Variants in BICC1 observed in about 807,000 individuals in gnomAD.
BICC1 encodes the protein protein bicaudal C homolog 1.
Under a neutral mutation model 111.0 loss-of-function variants are expected in BICC1, and 43 were observed. That is an observed-to-expected ratio of 0.39 (90% CI 0.30 to 0.50). The LOEUF (loss-of-function observed/expected upper bound fraction) is 0.50. Ranked by LOEUF, BICC1 falls within the 20% of genes least tolerant of loss-of-function variation. The pLI is 0.88. For missense variants in BICC1, 1,091 were observed against 1,203.2 expected, an observed-to-expected ratio of 0.91 and a Z score of 1.38; for synonymous variants, 467 against 434.4, an observed-to-expected ratio of 1.07 and a Z score of -0.93.
At chr10:58,612,220 A>G (rs1487650461) in intron 1 of BICC1, among the ~76,000 whole-genome samples, 3 of 152,150 alleles carry the variant, frequency 2.0e-5, no homozygotes, top group African/African-American at 7.2e-5. Flanking sequence ...CCTAATGACT[A>G]CTCTTTTCTC....
At chr10:58,520,333 T>G (rs1842356048) in intron 1 of BICC1, among the ~76,000 whole-genome samples, 1 of 152,138 alleles carries the variant, frequency 6.6e-6, no homozygotes, top group Non-Finnish European at 1.5e-5. Context: ...AAGAAAATCT[T>G]GTTATGCTGC....
chr10:58,790,084 G>A, intron 8 of BICC1, 151 bp downstream of exon 8: 2 of 838,364 alleles, frequency 2.4e-6, no homozygotes, highest in African/African-American at 1.7e-5. Flanking sequence ...AAATAAACTG[G>A]AAGAGTAATA....
rs1327102410 is a variant in BICC1 at position 58,734,801 on chromosome 10, G to GT, written c.307+32664dup. Among the ~76,000 whole-genome samples, 5 of 152,132 alleles carry GT rather than the reference G, an allele frequency of 3.3e-5. No individual in the cohort carries two copies. In the South Asian group the frequency reaches 6.2e-4, roughly 19 times the overall value. ...CCTTTTGGCATATCAAGAAATTGTG[G>GT]TTTTTTGGTCTAAATATTAAATACC... is the stretch of plus-strand genomic sequence containing the variant. On this transcript the variant is annotated intron_variant, in intron 3 of 20. Coordinates refer to ENST00000373886, the MANE Select transcript of BICC1 (RefSeq NM_001080512.3).
At chr10:58,537,356 A>C (rs1842851427) in intron 1 of BICC1, among the ~76,000 whole-genome samples, 1 of 119,220 alleles carries the variant, frequency 8.4e-6, no homozygotes, top group Non-Finnish European at 2.0e-5. Context: ...ACAAAAAAAA[A>C]AATCATGATG....
intron 1 of BICC1, among the ~76,000 whole-genome samples, chr10:58,608,702 G>A (rs1845315404): frequency 6.6e-6 from 1 of 152,098 alleles, no homozygotes; most frequent in African/African-American, 2.4e-5. Context: ...ATATTTCAGG[G>A]GTAAAACAGA....
At chr10:58,700,204 T>C (rs1337782841) in intron 2 of BICC1, among the ~76,000 whole-genome samples, 1 of 151,954 alleles carries the variant, frequency 6.6e-6, no homozygotes, top group African/African-American at 2.4e-5. Context: ...GGAAAAATAA[T>C]TGTGGTTGGG....
At chr10:58,665,713 C>T (rs1838987652) in intron 2 of BICC1, among the ~76,000 whole-genome samples, 1 of 152,118 alleles carries the variant, frequency 6.6e-6, no homozygotes, top group African/African-American at 2.4e-5. Flanking sequence ...GTGTTTTGAT[C>T]TGAAATTTAT....
chr10:58,548,138 A>G (rs1843189601), intron 1 of BICC1, among the ~76,000 whole-genome samples: 1 of 152,020 alleles, frequency 6.6e-6, no homozygotes, highest in South Asian at 2.1e-4. Flanking sequence ...GATGACTTCA[A>G]CTCTTAATCT....
At chr10:58,703,383 A>T (rs1840297334) in intron 3 of BICC1, among the ~76,000 whole-genome samples, 1 of 151,902 alleles carries the variant, frequency 6.6e-6, no homozygotes, top group Admixed American at 6.6e-5. Context: ...GCTGGTCTTG[A>T]ACTCCTGAGT....
At chr10:58,576,649 T>A (rs1844121767) in intron 1 of BICC1, among the ~76,000 whole-genome samples, 1 of 152,174 alleles carries the variant, frequency 6.6e-6, no homozygotes, top group Non-Finnish European at 1.5e-5. Flanking sequence ...AATACTTAAA[T>A]GGTGTTATAC....
At chr10:58,581,023 T>G (rs1844266251) in intron 1 of BICC1, among the ~76,000 whole-genome samples, 1 of 152,200 alleles carries the variant, frequency 6.6e-6, no homozygotes, top group African/African-American at 2.4e-5. Context: ...GTGTGAAAAC[T>G]TACTAGATAT....
intron 1 of BICC1, among the ~76,000 whole-genome samples, chr10:58,550,172 C>T (rs1053034530): frequency 1.4e-4 from 22 of 152,030 alleles, no homozygotes; most frequent in African/African-American, 4.8e-4. Flanking sequence ...TGCCACCATA[C>T]TCTACTAATA....
Position 58,750,318 on chromosome 10 carries a change from A to G in BICC1, c.308-34683A>G, listed in dbSNP as rs541083708. Among the ~76,000 whole-genome samples the G allele has an allele frequency of 1.1e-3, 171 of 152,288 alleles. 2 individuals are homozygous for G. Among genetic ancestry groups the G allele is most frequent in the African/African-American group, 3.9e-3 (164 of 41,570 alleles). On this transcript the variant is annotated intron_variant, in intron 3 of 20. Coordinates refer to ENST00000373886, the MANE Select transcript of BICC1 (RefSeq NM_001080512.3). The stretch of plus-strand genomic sequence containing the variant: ...GCAACTTCAATCACCAGCCATAGAC[A>G]AGCATTATTAATCTGGATTATATTT...
At chr10:58,761,278 T>G (rs1238124694) in intron 3 of BICC1, among the ~76,000 whole-genome samples, 1 of 152,192 alleles carries the variant, frequency 6.6e-6, no homozygotes, top group Non-Finnish European at 1.5e-5. Context: ...CGAGTGCGGC[T>G]GGAAAGAAAG....
chr10:58,663,136 G>A (rs1465681306), intron 2 of BICC1, among the ~76,000 whole-genome samples: 4 of 144,560 alleles, frequency 2.8e-5, no homozygotes, highest in East Asian at 4.1e-4. Context: ...GCACTATCTC[G>A]GCTCACTGCA....
chr10:58,704,389 T>C (rs566578248), intron 3 of BICC1, among the ~76,000 whole-genome samples: 1 of 152,332 alleles, frequency 6.6e-6, no homozygotes, highest in Admixed American at 6.5e-5. Context: ...TTTACTTGAG[T>C]TGCTCTTATC....
chr10:58,641,333 T>A (rs2132214807), intron 2 of BICC1, among the ~76,000 whole-genome samples: 1 of 152,314 alleles, frequency 6.6e-6, no homozygotes. Context: ...AACACTTGCA[T>A]TGTGGTTTTG....
At chr10:58,681,316 A>G (rs1839512625) in intron 2 of BICC1, among the ~76,000 whole-genome samples, 1 of 151,580 alleles carries the variant, frequency 6.6e-6, no homozygotes. Flanking sequence ...TTAGACTAAT[A>G]AGAAAATAAC....
At chr10:58,633,284 A>G (rs1043803912) in intron 2 of BICC1, among the ~76,000 whole-genome samples, 2 of 152,208 alleles carry the variant, frequency 1.3e-5, no homozygotes, top group Non-Finnish European at 2.9e-5. Flanking sequence ...TCTTTGATAA[A>G]TTACCCGGTC....
Sources: allele counts gnomAD v4.1 joint callset (sites outside exome capture counted in the v4.1 genomes callset), GRCh38; gene constraint gnomAD v4.1.1; transcripts MANE v1.5; gene names NCBI Gene and HGNC (gene_info 2026-07-23, HGNC 2026-07-21).